Variants in VWA8 observed in about 807,000 individuals in gnomAD.
The protein encoded by VWA8 is von Willebrand factor A domain containing 8.
Under a neutral mutation model 241.5 loss-of-function variants are expected in VWA8, and 221 were observed. The ratio of observed to expected loss-of-function variants is 0.91; its 90% CI spans 0.82 to 1.02. VWA8 has a LOEUF of 1.02. Ranked by LOEUF, VWA8 falls within the 50% of genes least tolerant of loss-of-function variation. The probability of loss-of-function intolerance (pLI) is 0.00; values close to 1 mark genes in which losing one functional copy is unlikely to be tolerated. For missense variants in VWA8, 2,322 were observed against 2,328.7 expected, an observed-to-expected ratio of 1.00 and a Z score of 0.06; for synonymous variants, 852 against 827.1, an observed-to-expected ratio of 1.03 and a Z score of -0.52.
intron 37 of VWA8, among the ~76,000 whole-genome samples, chr13:41,618,355 T>G (rs998396555): frequency 2.0e-5 from 3 of 152,238 alleles, no homozygotes; most frequent in Admixed American, 1.3e-4. Context: ...TTTAAGTTCA[T>G]TGTAGATTCT....
intron 14 of VWA8, among the ~76,000 whole-genome samples, chr13:41,826,083 A>G (rs758126754): frequency 1.3e-4 from 20 of 152,354 alleles, no homozygotes; most frequent in Middle Eastern, 3.4e-3. Context: ...AAAAAAGAAC[A>G]TATTTATTTT....
intron 2 of VWA8, among the ~76,000 whole-genome samples, chr13:41,934,894 TG>T (rs1164606154): frequency 6.6e-6 from 1 of 152,044 alleles, no homozygotes; most frequent in Non-Finnish European, 1.5e-5. Context: ...TGCAGTGTAT[TG>T]CATGTCAGTT....
At chr13:41,873,555 C>A (rs1434217523) in intron 9 of VWA8, among the ~76,000 whole-genome samples, 1 of 152,184 alleles carries the variant, frequency 6.6e-6, no homozygotes, top group Non-Finnish European at 1.5e-5. Context: ...GCTACAAACA[C>A]CTCTACGCAA....
At chr13:41,580,597 G>T (rs978106632) in intron 42 of VWA8, among the ~76,000 whole-genome samples, 1 of 152,158 alleles carries the variant, frequency 6.6e-6, no homozygotes, top group African/African-American at 2.4e-5. Context: ...GGTGCCAAGG[G>T]TAGGAGAAGA....
chr13:41,752,051 C>A (rs973687688), intron 21 of VWA8, among the ~76,000 whole-genome samples: 4 of 152,010 alleles, frequency 2.6e-5, no homozygotes, highest in African/African-American at 9.7e-5. Context: ...TTCTCTTTTC[C>A]CCCCACCCTC....
intron 37 of VWA8, among the ~76,000 whole-genome samples, chr13:41,629,997 C>T (rs1184323382): frequency 2.0e-5 from 3 of 152,168 alleles, no homozygotes; most frequent in Non-Finnish European, 2.9e-5. Context: ...TTCATTCATA[C>T]TAAATAATTA....
At chr13:41,591,327 T>C (rs1182631647) in intron 40 of VWA8, among the ~76,000 whole-genome samples, 1 of 152,224 alleles carries the variant, frequency 6.6e-6, no homozygotes, top group Non-Finnish European at 1.5e-5. Flanking sequence ...TTTTTTCACA[T>C]AATACTTTGC....
chr13:41,700,238 C>A (rs1317506364), intron 28 of VWA8, among the ~76,000 whole-genome samples: 1 of 151,998 alleles, frequency 6.6e-6, no homozygotes, highest in Non-Finnish European at 1.5e-5. Flanking sequence ...AAATCTGGAA[C>A]ACTATGTGTG....
intron 4 of VWA8, among the ~76,000 whole-genome samples, chr13:41,902,719 C>T (rs565569420): frequency 1.3e-5 from 2 of 152,256 alleles, no homozygotes; most frequent in South Asian, 2.1e-4. Flanking sequence ...ACCTAATTCT[C>T]GCCTTCAAAG....
chr13:41,814,108 G>A (rs1021096964), intron 16 of VWA8, among the ~76,000 whole-genome samples: 19 of 151,930 alleles, frequency 1.3e-4, no homozygotes, highest in African/African-American at 4.4e-4. Flanking sequence ...AAAACTCTAG[G>A]GACAATCTGT....
At chr13:41,912,995 A>C (rs916217505) in intron 2 of VWA8, among the ~76,000 whole-genome samples, 2 of 152,218 alleles carry the variant, frequency 1.3e-5, no homozygotes, top group African/African-American at 2.4e-5. Context: ...CTCAGAGCAG[A>C]ACTGTCCAAA....
At chr13:41,777,833 T>C (rs927050725) in intron 20 of VWA8, 152 bp downstream of exon 20, 9 of 580,264 alleles carry the variant, frequency 1.6e-5, no homozygotes, top group Non-Finnish European at 2.3e-5. Flanking sequence ...TGAGGTAATT[T>C]TGAAGTTTAG....
intron 21 of VWA8, among the ~76,000 whole-genome samples, chr13:41,752,253 A>T (rs1472764572): frequency 1.3e-5 from 2 of 151,786 alleles, no homozygotes; most frequent in East Asian, 1.9e-4. Context: ...CACTTAGAAA[A>T]CTCCTACTTA....
chr13:41,733,900 G>T (rs781648282), intron 21 of VWA8, among the ~76,000 whole-genome samples: 4 of 152,126 alleles, frequency 2.6e-5, no homozygotes, highest in Non-Finnish European at 4.4e-5. Context: ...AAAAGTAAAA[G>T]TCAACGATGT....
chr13:41,673,287 G>C (rs148651355), intron 36 of VWA8, among the ~76,000 whole-genome samples: 1 of 152,278 alleles, frequency 6.6e-6, no homozygotes, highest in Non-Finnish European at 1.5e-5. Context: ...GCTACATACA[G>C]TTTTATTGTA....
At chr13:41,726,957 T>C (rs1214031489) in intron 24 of VWA8, among the ~76,000 whole-genome samples, 1 of 152,096 alleles carries the variant, frequency 6.6e-6, no homozygotes, top group Admixed American at 6.6e-5. Context: ...ATCATGCCAC[T>C]GCACTCCAGT....
At chr13:41,925,363 CCGATA>C (rs1420770892) in intron 2 of VWA8, among the ~76,000 whole-genome samples, 1 of 152,136 alleles carries the variant, frequency 6.6e-6, no homozygotes, top group Non-Finnish European at 1.5e-5. Context: ...CCAGAATACT[CCGATA>C]CTGTAAACAG....
In VWA8 at chr13:41,884,830, T is replaced by C. The variant is rs1303722668; in HGVS notation, c.975+1090A>G. Reference sequence around the variant, plus strand: ...ATAAACAGGAGGAGAAATTCTGTTCTGGATGTATAGAACAATGTCAACAAT... The same window carrying C: ...ATAAACAGGAGGAGAAATTCTGTTCCGGATGTATAGAACAATGTCAACAAT... On this transcript the variant is annotated intron_variant, in intron 8 of 44. Transcript: ENST00000379310. Among the ~76,000 whole-genome samples, 3 of 152,200 alleles carry C rather than the reference T, an allele frequency of 2.0e-5. No homozygotes were observed. The East Asian group carries it at 5.8e-4, about 29-fold the overall frequency.
intron 38 of VWA8, 89 bp downstream of exon 38, chr13:41,614,885 GTC>G (rs1332169199): frequency 1.6e-6 from 2 of 1,263,610 alleles, no homozygotes; most frequent in East Asian, 4.7e-5. Flanking sequence ...AGGAAAGCCC[GTC>G]TCTGAGTCTT....
Sources: allele counts gnomAD v4.1 joint callset (sites outside exome capture counted in the v4.1 genomes callset), GRCh38; gene constraint gnomAD v4.1.1; transcripts MANE v1.5; gene names NCBI Gene and HGNC (gene_info 2026-07-23, HGNC 2026-07-21).